Variants in TNNI3K observed in about 807,000 individuals in gnomAD.
TNNI3K encodes serine/threonine-protein kinase TNNI3K.
TNNI3K carries 140 observed loss-of-function variants against 114.5 expected under a neutral mutation model. The observed-to-expected ratio is 1.22, with a 90% CI of 1.07 to 1.41. The LOEUF is 1.41. Among genes scored for constraint, TNNI3K ranks in the 40% most tolerant of loss-of-function variants. The pLI, the probability that TNNI3K is intolerant of heterozygous loss-of-function variation, is 0.00. For synonymous variants in TNNI3K, 347 were observed against 347.5 expected (o/e 1.00, Z 0.02); for missense variants, 1,125 against 1,007.6 (o/e 1.12, Z -1.58).
At chr1:74,277,755 G>A (rs1317631037) in intron 5 of TNNI3K, among the ~76,000 whole-genome samples, 2 of 152,176 alleles carry the variant, frequency 1.3e-5, no homozygotes, top group Non-Finnish European at 2.9e-5. Context: ...GTAAACCAAT[G>A]TGTAATGTAT....
intron 20 of TNNI3K, among the ~76,000 whole-genome samples, chr1:74,451,678 TTTTCTTTTCTTTCTTTCTTTCTTTC>T (rs1557574966): frequency 2.2e-5 from 1 of 45,522 alleles, no homozygotes; most frequent in African/African-American, 7.4e-5. Context: ...TTTTCTTTTC[TTTTCTTTTCTTTCTTTCTTTCTTTC>T]TTTCTTTCTT....
intron 17 of TNNI3K, chr1:74,371,592 A>T (rs1662609244): frequency 6.6e-6 from 1 of 151,880 alleles, no homozygotes; most frequent in East Asian, 1.9e-4. Context: ...AGAGATTAGA[A>T]AGTTAAAGGT....
At chr1:74,483,913 T>G (rs1188304128) in intron 21 of TNNI3K, among the ~76,000 whole-genome samples, 1 of 152,220 alleles carries the variant, frequency 6.6e-6, no homozygotes, top group South Asian at 2.1e-4. Context: ...GTGAGTATGA[T>G]GTCAAGATTA....
intron 17 of TNNI3K, among the ~76,000 whole-genome samples, chr1:74,432,688 C>A (rs1388292571): frequency 6.6e-6 from 1 of 152,034 alleles, no homozygotes; most frequent in Non-Finnish European, 1.5e-5. Context: ...TTATTGATTT[C>A]AGTCTCATTA....
At chr1:74,520,720 A>T (rs553419295) in intron 23 of TNNI3K, among the ~76,000 whole-genome samples, 87 of 152,250 alleles carry the variant, frequency 5.7e-4, no homozygotes, top group African/African-American at 1.7e-3. Flanking sequence ...GGCCTGGGGC[A>T]TACTATGTGG....
intron 4 of TNNI3K, among the ~76,000 whole-genome samples, chr1:74,264,492 AC>A: frequency 6.6e-6 from 1 of 152,224 alleles, no homozygotes; most frequent in South Asian, 2.1e-4. Context: ...TTCTAAAAAA[AC>A]CTTTTTCTTT....
At chr1:74,444,334 T>A (rs1166151470) in intron 20 of TNNI3K, among the ~76,000 whole-genome samples, 2 of 151,968 alleles carry the variant, frequency 1.3e-5, no homozygotes, top group African/African-American at 4.8e-5. Flanking sequence ...GTCAGTAAAG[T>A]CTCAGGATAC....
At chr1:74,402,917 A>G (rs573102249) in intron 17 of TNNI3K, among the ~76,000 whole-genome samples, 37 of 152,202 alleles carry the variant, frequency 2.4e-4, no homozygotes, top group African/African-American at 8.9e-4. Context: ...AGTGTATTTT[A>G]TGTGTGGCCC....
chr1:74,254,539 G>T (rs2100856603), intron 4 of TNNI3K, among the ~76,000 whole-genome samples: 2 of 151,908 alleles, frequency 1.3e-5, no homozygotes, highest in African/African-American at 4.8e-5. Flanking sequence ...ATATTTCTTT[G>T]AATTTTTTTG....
At chr1:74,410,101 T>C (rs1459715197) in intron 17 of TNNI3K, among the ~76,000 whole-genome samples, 2 of 152,210 alleles carry the variant, frequency 1.3e-5, no homozygotes, top group African/African-American at 4.8e-5. Flanking sequence ...AAAATAATTA[T>C]TGAGTGATGA....
At chr1:74,543,816 G>T in intron 24 of TNNI3K, 90 bp from the exon 25 acceptor site, 1 of 1,458,932 alleles carries the variant, frequency 6.9e-7, no homozygotes, top group Non-Finnish European at 9.5e-7. Flanking sequence ...ACATGATCTG[G>T]AAGACCTGCC....
chr1:74,369,449 T>C lies in TNNI3K; in HGVS notation c.1531T>C (p.Ser511Pro). The change falls in exon 16 of 25, where the codon TCC becomes CCC. Residue 511 changes from serine to proline, a missense_variant. Coordinates refer to ENST00000326637, the MANE Select transcript of TNNI3K (RefSeq NM_015978.3). ...SDVDMFCREV[S>P]ILCQLNHPCV... is the part of the protein sequence containing the mutation. ...TGTGGATATGTTTTGCCGAGAGGTG[T>C]CCATTCTCTGCCAGCTCAATCATCC... 6.2e-7 allele frequency: 1 copy of C among 1,612,636 alleles called. No individual in the cohort carries two copies. The highest frequency in any genetic ancestry group is 1.1e-5 in the South Asian group (1 of 91,012).
chr1:74,340,824 C>T (rs918904487), intron 7 of TNNI3K, among the ~76,000 whole-genome samples: 3 of 152,114 alleles, frequency 2.0e-5, no homozygotes, highest in South Asian at 2.1e-4. Context: ...CTTAGAACAG[C>T]ATGTGAACAA....
At chr1:74,301,112 G>A (rs1658304529) in intron 5 of TNNI3K, among the ~76,000 whole-genome samples, 1 of 152,090 alleles carries the variant, frequency 6.6e-6, no homozygotes, top group East Asian at 1.9e-4. Context: ...TAGTTAAAAA[G>A]GGTAAGGCTG....
intron 23 of TNNI3K, among the ~76,000 whole-genome samples, chr1:74,506,330 G>C (rs999625228): frequency 6.6e-6 from 1 of 152,150 alleles, no homozygotes; most frequent in Non-Finnish European, 1.5e-5. Context: ...TTCTACAAAT[G>C]AGAAACTGAA....
intron 23 of TNNI3K, among the ~76,000 whole-genome samples, chr1:74,514,179 A>C (rs1164604414): frequency 1.3e-5 from 2 of 152,214 alleles, no homozygotes; most frequent in Admixed American, 6.5e-5. Context: ...AAGCCAGATC[A>C]TTTATGTCCT....
chr1:74,516,430 A>G (rs1646349039), intron 23 of TNNI3K, among the ~76,000 whole-genome samples: 1 of 152,222 alleles, frequency 6.6e-6, no homozygotes, highest in South Asian at 2.1e-4. Context: ...AATCCGTACA[A>G]TACAAGGCAT....
intron 17 of TNNI3K, chr1:74,416,233 A>T: frequency 4.2e-6 from 4 of 959,336 alleles, no homozygotes; most frequent in Non-Finnish European, 5.0e-6. Flanking sequence ...GAGGAGTTTA[A>T]AAAGCAGAGT....
At chr1:74,381,598 T>A (rs1309301779) in intron 17 of TNNI3K, among the ~76,000 whole-genome samples, 1 of 152,136 alleles carries the variant, frequency 6.6e-6, no homozygotes, top group Admixed American at 6.6e-5. Flanking sequence ...TTACTGTAGA[T>A]CTCTTTCTAT....
Sources: gnomAD v4.1 joint callset for allele counts (sites outside exome capture counted in the v4.1 genomes callset) on GRCh38, gnomAD v4.1.1 for gene constraint, MANE v1.5 for transcripts, NCBI Gene and HGNC (gene_info 2026-07-23, HGNC 2026-07-21) for gene names.